The following NFATC1 variants were observed in gnomAD, a reference collection of about 807,000 sequenced individuals.
NFATC1 encodes the protein nuclear factor of activated T-cells, cytoplasmic 1.
A neutral mutation model predicts 76.0 loss-of-function variants in NFATC1; 22 were observed. The observed-to-expected ratio is 0.29, with a 90% CI of 0.21 to 0.41. The LOEUF (loss-of-function observed/expected upper bound fraction) is 0.41, where lower values mean the gene tolerates loss of function less well. Ranked by LOEUF, NFATC1 falls within the 10% of genes least tolerant of loss-of-function variation. The pLI is 1.00. For synonymous variants in NFATC1, 704 were observed against 613.1 expected (o/e 1.15, Z -2.19); for missense variants, 1,357 against 1,337.7 (o/e 1.01, Z -0.23).
intron 4 of NFATC1, 136 bp downstream of exon 4, chr18:79,449,120 A>G (rs1397166046): frequency 3.6e-5 from 27 of 755,062 alleles, no homozygotes; most frequent in Non-Finnish European, 5.3e-5. Flanking sequence ...TTAACAGCCA[A>G]TAAGTAAACT....
intron 2 of NFATC1, among the ~76,000 whole-genome samples, chr18:79,417,483 A>G (rs2085917826): frequency 4.3e-5 from 1 of 23,472 alleles, no homozygotes; most frequent in African/African-American, 2.0e-4. Context: ...GAGATGGGAG[A>G]TCGGCTGTGG....
chr18:79,500,560 G>A lies in NFATC1; in HGVS notation c.2782+13623G>A, dbSNP rs1249986255. On this transcript the variant is annotated intron_variant, in intron 9 of 9. Coordinates refer to ENST00000427363, the MANE Select transcript of NFATC1 (RefSeq NM_001278669.2). ...GATGAGAAGAAAAAGCAATGAAATAGAAACATGAGAAAAATCAATAAAACC... is the reference window on the plus strand; with the variant it reads ...GATGAGAAGAAAAAGCAATGAAATAAAAACATGAGAAAAATCAATAAAACC... 2.0e-5 allele frequency among the ~76,000 whole-genome samples: 3 copies of A among 151,978 alleles called. No homozygotes were observed. The East Asian group carries it at 5.8e-4, about 29-fold the overall frequency.
At chr18:79,466,998 C>T (rs1203682817) in intron 7 of NFATC1, among the ~76,000 whole-genome samples, 1 of 152,138 alleles carries the variant, frequency 6.6e-6, no homozygotes, top group Non-Finnish European at 1.5e-5. Flanking sequence ...CCAGGTGGCC[C>T]CGGGCAACCT....
intron 3 of NFATC1, among the ~76,000 whole-genome samples, chr18:79,434,069 C>G (rs899598142): frequency 5.3e-5 from 8 of 152,236 alleles, no homozygotes. Context: ...GAGTTCTCAC[C>G]AGCAGCACCA....
At chr18:79,433,850 T>A (rs1257577277) in intron 3 of NFATC1, 112 bp downstream of exon 3, 1 of 1,368,512 alleles carries the variant, frequency 7.3e-7, no homozygotes, top group Non-Finnish European at 9.8e-7. Flanking sequence ...AGCTGAATGC[T>A]CTGTCGTGGT....
chr18:79,397,550 T>G (rs1351762430), intron 1 of NFATC1, among the ~76,000 whole-genome samples: 1 of 152,216 alleles, frequency 6.6e-6, no homozygotes, highest in African/African-American at 2.4e-5. Flanking sequence ...AGACACCACT[T>G]CATCCCAATG....
At position 79,486,798 on chromosome 18, in the gene NFATC1, G is replaced by C. The variant is rs774500542; in HGVS notation, c.2643G>C (p.Thr881=). The stretch of plus-strand genomic sequence containing the variant: ...GCCGCCCGCAGCACCTGCCGTCCAC[G>C]GTCCGCAGGGACGAGTCTCCGACTG... ...ATGRPQHLPS[T]VRRDESPTAG... is the part of the protein sequence containing the mutation. Residue 881 remains threonine (T), a synonymous_variant, in exon 9 of 10, where the codon ACG becomes ACC. Transcript: ENST00000427363. 2 of 1,610,724 alleles carry C rather than the reference G, an allele frequency of 1.2e-6. No homozygotes were observed. Among genetic ancestry groups the C allele is most frequent in the Non-Finnish European group, 1.7e-6 (2 of 1,179,116 alleles).
intron 9 of NFATC1, among the ~76,000 whole-genome samples, chr18:79,492,962 A>C (rs910789824): frequency 7.5e-6 from 1 of 132,882 alleles, no homozygotes; most frequent in African/African-American, 3.0e-5. Flanking sequence ...TCTACTCCCA[A>C]GTTTTGTTTC....
At position 79,516,989 on chromosome 18, in the gene NFATC1, C is replaced by T. The variant is rs551988654; in HGVS notation, c.2783-10539C>T. Among the ~76,000 whole-genome samples, 7 of 152,332 alleles carry T rather than the reference C, an allele frequency of 4.6e-5. No individual in the cohort carries two copies. In the South Asian group the frequency reaches 1.4e-3, roughly 32 times the overall value. On this transcript the variant is annotated intron_variant, in intron 9 of 9. Transcript: ENST00000427363. ...ATGAAACCATAAAACAGTCAGTAAA[C>T]ACATCTATCATGCCCCTTTGTAATG...
At chr18:79,484,907 C>G (rs982673844) in intron 8 of NFATC1, among the ~76,000 whole-genome samples, 1 of 152,228 alleles carries the variant, frequency 6.6e-6, no homozygotes, top group African/African-American at 2.4e-5. Flanking sequence ...TCCGGCGTCT[C>G]GAGCTGCAGG....
chr18:79,434,280 GC>G (rs2144671428), intron 3 of NFATC1, among the ~76,000 whole-genome samples: 1 of 152,350 alleles, frequency 6.6e-6, no homozygotes, highest in South Asian at 2.1e-4. Context: ...CAACCCTGCA[GC>G]CGCGTCCCTG....
intron 8 of NFATC1, among the ~76,000 whole-genome samples, chr18:79,471,299 G>A (rs8083750): frequency 0.065 from 9,887 of 152,228 alleles, 412 homozygotes; most frequent in Middle Eastern, 0.13. Context: ...TTAGAAAGGC[G>A]GCGTCCGCGT....
rs1055121936 is a variant in NFATC1, at chr18:79,467,393, C to T, written c.1960-57C>T. 31 of 1,445,764 alleles carry T rather than the reference C, an allele frequency of 2.1e-5. No individual in the cohort carries two copies. The Admixed American group carries it at 3.5e-4, about 16-fold the overall frequency. 89.6% of individuals were successfully genotyped at this position (1,445,764 alleles called of 1,614,324 possible). A position where few individuals can be genotyped will look rare whatever the true frequency, so the allele number is the denominator to read the frequency against. ...GGGTTGCCGTGTGGCCGCCGTGGCG[C>T]GGCAGCCATCGCCTGCCCGGTGCTG... On this transcript the variant is annotated intron_variant, in intron 7 of 9. Coordinates refer to ENST00000427363, the MANE Select transcript of NFATC1 (RefSeq NM_001278669.2).
At position 79,401,482 on chromosome 18, in the gene NFATC1, T is replaced by C. The variant is rs895886621; in HGVS notation, c.127+5131T>C. ...TGCCTGGGCCTGGGTTCTAGGTCTT[T>C]GGGGTCAGTGGGAGCCAAGGCAGAT... On this transcript the variant is annotated intron_variant, in intron 1 of 9. Transcript: ENST00000427363. 1.6e-4 allele frequency among the ~76,000 whole-genome samples: 24 copies of C among 152,196 alleles called. 1 individual carries two copies. Among genetic ancestry groups the C allele is most frequent in the Admixed American group, 1.5e-3 (23 of 15,288 alleles).
At chr18:79,452,004 C>G in intron 6 of NFATC1, 188 bp downstream of exon 6, 1 of 598,122 alleles carries the variant, frequency 1.7e-6, no homozygotes, top group South Asian at 3.4e-5. Context: ...GAGCCGACAG[C>G]TGTGCTGCTG....
rs2086420105 is a variant in NFATC1 at position 79,427,678 on chromosome 18, G to A, written c.1227-5901G>A. 3.5e-5 allele frequency among the ~76,000 whole-genome samples: 4 copies of A among 113,846 alleles called. No homozygotes were observed. The South Asian group carries it at 1.4e-3, about 39-fold the overall frequency. 74.7% of individuals were successfully genotyped at this position (113,846 alleles called of 152,430 possible). On this transcript the variant is annotated intron_variant, in intron 2 of 9. Transcript: ENST00000427363. ...CGGCTGGCCTCTGTGTGGTGTGGGG[G>A]CTGGATGGCTGGCCTCTGTGCAGTG... is the stretch of plus-strand genomic sequence containing the variant.
intron 2 of NFATC1, among the ~76,000 whole-genome samples, chr18:79,418,187 C>A (rs8093148): frequency 6.6e-6 from 1 of 151,926 alleles, no homozygotes; most frequent in Admixed American, 6.6e-5. Context: ...CCAGCAGTTT[C>A]GTTGTGTGAT....
chr18:79,419,429 G>C (rs1023030454), intron 2 of NFATC1, among the ~76,000 whole-genome samples: 4 of 150,746 alleles, frequency 2.7e-5, no homozygotes, highest in Non-Finnish European at 5.9e-5. Context: ...AGGAGGGTCA[G>C]AACCTGCCCG....
rs1315131658 is a variant in NFATC1, at chr18:79,412,658, G to A, written c.1226+1157G>A. ...CGCATGGACAGAATTAGAGCTACAA[G>A]CAGTAACAAGCCTCCAGGCTGGGAA... On this transcript the variant is annotated intron_variant, in intron 2 of 9. Transcript: ENST00000427363. Among the ~76,000 whole-genome samples, 5 of 152,142 alleles carry A rather than the reference G, an allele frequency of 3.3e-5. No individual in the cohort carries two copies. The East Asian group carries it at 7.7e-4, about 23-fold the overall frequency.
Sources: allele counts gnomAD v4.1 joint callset (sites outside exome capture counted in the v4.1 genomes callset), GRCh38; gene constraint gnomAD v4.1.1; transcripts MANE v1.5; gene names NCBI Gene and HGNC (gene_info 2026-07-23, HGNC 2026-07-21).